ITGB8: variants seen among roughly 807,000 people sequenced by gnomAD.
The protein encoded by ITGB8 is integrin subunit beta 8.
ITGB8 carries 30 observed loss-of-function variants against 89.5 expected under a neutral mutation model. That is an observed-to-expected ratio of 0.34 (90% CI 0.25 to 0.45). ITGB8 has a LOEUF of 0.45. ITGB8 is among the 20% of genes least tolerant of loss of function. The probability of loss-of-function intolerance (pLI) is 1.00; values close to 1 mark genes in which losing one functional copy is unlikely to be tolerated. For missense variants in ITGB8, 836 were observed against 933.3 expected, an observed-to-expected ratio of 0.90 and a Z score of 1.36; for synonymous variants, 335 against 320.4, an observed-to-expected ratio of 1.05 and a Z score of -0.49.
intron 9 of ITGB8, among the ~76,000 whole-genome samples, chr7:20,401,199 G>A (rs1245980509): frequency 1.3e-5 from 2 of 151,988 alleles, no homozygotes; most frequent in Non-Finnish European, 2.9e-5. Context: ...GGCTGATCTC[G>A]AACTCCTGAC....
chr7:20,358,717 T>A (rs755191787), intron 1 of ITGB8, among the ~76,000 whole-genome samples: 115 of 152,284 alleles, frequency 7.6e-4, no homozygotes, highest in Non-Finnish European at 1.5e-3. Context: ...GTATTTTTTT[T>A]AAACTTTTAT....
At position 20,413,880 on chromosome 7, in the gene ITGB8, T is replaced by G. The variant is rs2127990991; in HGVS notation, c.*3883T>G. 6.6e-6 allele frequency: 1 copy of G among 152,276 alleles called. No individual in the cohort carries two copies. 9.4% of individuals were successfully genotyped at this position (152,276 alleles called of 1,614,324 possible). ...CTCAATATTTAATTTACAACTATCC[T>G]TATTTATATTGACCTCAAGAACTCC... On this transcript the variant is annotated 3_prime_UTR_variant, in exon 14 of 14. Coordinates refer to ENST00000222573, the MANE Select transcript of ITGB8 (RefSeq NM_002214.3).
intron 1 of ITGB8, among the ~76,000 whole-genome samples, chr7:20,358,147 A>G (rs13231646): frequency 0.54 from 82,559 of 151,658 alleles, 23,146 homozygotes; most frequent in South Asian, 0.7. Context: ...TTGTATCTTT[A>G]GTAGAGACGG....
chr7:20,403,030 C>T (rs1787377162), intron 10 of ITGB8, among the ~76,000 whole-genome samples: 1 of 152,070 alleles, frequency 6.6e-6, no homozygotes, highest in African/African-American at 2.4e-5. Context: ...CGAATGGAAA[C>T]GTCATCATAA....
At chr7:20,372,315 T>C (rs1785965591) in intron 3 of ITGB8, among the ~76,000 whole-genome samples, 1 of 152,112 alleles carries the variant, frequency 6.6e-6, no homozygotes, top group Non-Finnish European at 1.5e-5. Context: ...AGTTCAAAAG[T>C]TGGAAAATTG....
intron 1 of ITGB8, among the ~76,000 whole-genome samples, chr7:20,359,412 A>G (rs1785417962): frequency 6.6e-6 from 1 of 152,232 alleles, no homozygotes; most frequent in Non-Finnish European, 1.5e-5. Context: ...CTGCAATCAT[A>G]AAGTGGGAAA....
intron 1 of ITGB8, among the ~76,000 whole-genome samples, chr7:20,332,920 A>G (rs1436499987): frequency 8.5e-6 from 1 of 118,090 alleles, no homozygotes; most frequent in Non-Finnish European, 1.7e-5. Context: ...CTCTTGTCAT[A>G]CTTTCTTTTT....
At chr7:20,346,377 A>C (rs1195777136) in intron 1 of ITGB8, among the ~76,000 whole-genome samples, 2 of 152,130 alleles carry the variant, frequency 1.3e-5, no homozygotes, top group African/African-American at 2.4e-5. Context: ...AAGGAATAGG[A>C]GATAAGGAGA....
chr7:20,384,100 T>C (rs957612590), intron 6 of ITGB8, among the ~76,000 whole-genome samples: 22 of 152,202 alleles, frequency 1.4e-4, no homozygotes, highest in African/African-American at 5.1e-4. Flanking sequence ...GAATGTTCTA[T>C]ATTGAAAGCT....
intron 4 of ITGB8, chr7:20,379,879 T>G (rs1254369610): frequency 1.3e-5 from 2 of 152,236 alleles, no homozygotes; most frequent in Non-Finnish European, 2.9e-5. Flanking sequence ...AAATAACATA[T>G]GTCCCACTAT....
intron 1 of ITGB8, among the ~76,000 whole-genome samples, chr7:20,342,381 A>G (rs1784789082): frequency 6.6e-6 from 1 of 152,202 alleles, no homozygotes; most frequent in African/African-American, 2.4e-5. Flanking sequence ...ACTTTTACAC[A>G]TGAATTTCCT....
chr7:20,394,669 C>A (rs1786997885), intron 7 of ITGB8, among the ~76,000 whole-genome samples: 1 of 152,176 alleles, frequency 6.6e-6, no homozygotes, highest in Non-Finnish European at 1.5e-5. Context: ...TACAGTGATT[C>A]CGGATGCACA....
At chr7:20,342,617 TGA>T (rs1386827748) in intron 1 of ITGB8, among the ~76,000 whole-genome samples, 1 of 151,964 alleles carries the variant, frequency 6.6e-6, no homozygotes, top group Admixed American at 6.6e-5. Context: ...TTACAGAATC[TGA>T]GAGGGTTTTG....
intron 1 of ITGB8, among the ~76,000 whole-genome samples, chr7:20,362,872 G>A (rs1785557047): frequency 6.6e-6 from 1 of 152,112 alleles, no homozygotes; most frequent in East Asian, 1.9e-4. Flanking sequence ...AGCAGTTAGT[G>A]GATGGAGGGA....
chr7:20,400,220 CT>C (rs1216636698), intron 9 of ITGB8, among the ~76,000 whole-genome samples: 1 of 151,702 alleles, frequency 6.6e-6, no homozygotes, highest in Non-Finnish European at 1.5e-5. Flanking sequence ...TGTTTTTTTT[CT>C]TTTCATTTGC....
intron 1 of ITGB8, among the ~76,000 whole-genome samples, chr7:20,335,084 T>G (rs1486725760): frequency 6.6e-6 from 1 of 152,196 alleles, no homozygotes; most frequent in African/African-American, 2.4e-5. Context: ...TGGTACCCAA[T>G]TCACCCCCTT....
chr7:20,394,839 T>G, intron 7 of ITGB8, 57 bp from the exon 8 acceptor site: 1 of 1,141,866 alleles, frequency 8.8e-7, no homozygotes, highest in Non-Finnish European at 1.3e-6. Context: ...TATTTGTTGG[T>G]TGCTAACCCA....
chr7:20,401,048 C>A (rs1787288127), intron 9 of ITGB8, among the ~76,000 whole-genome samples: 1 of 152,054 alleles, frequency 6.6e-6, no homozygotes, highest in Non-Finnish European at 1.5e-5. Flanking sequence ...AATCTCGGCT[C>A]ACTGCAACCT....
Position 20,410,048 on chromosome 7 carries a change from C to A in ITGB8, c.*51C>A. On this transcript the variant is annotated 3_prime_UTR_variant, in exon 14 of 14. Coordinates refer to ENST00000222573, the MANE Select transcript of ITGB8 (RefSeq NM_002214.3). ...GAAACTGGAATTGTTAATAATTGCT[C>A]CTAAAGATTATAATTTTAAAAGTCA... 6.4e-7 allele frequency: 1 copy of A among 1,553,576 alleles called. No individual in the cohort carries two copies. The highest frequency in any genetic ancestry group is 8.7e-7 in the Non-Finnish European group (1 of 1,143,190).
Sources: gnomAD v4.1 joint callset for allele counts (sites outside exome capture counted in the v4.1 genomes callset) on GRCh38, gnomAD v4.1.1 for gene constraint, MANE v1.5 for transcripts, NCBI Gene and HGNC (gene_info 2026-07-23, HGNC 2026-07-21) for gene names.